Variants in EVL observed in about 807,000 individuals in gnomAD.
The protein encoded by EVL is ena/VASP-like protein.
In EVL, 21 loss-of-function variants were observed where a neutral mutation model predicts 59.6. The observed-to-expected ratio is 0.35, with a 90% CI of 0.25 to 0.51. The LOEUF is 0.51. Ranked by LOEUF, EVL falls within the 20% of genes least tolerant of loss-of-function variation. The pLI is 0.97. For synonymous variants in EVL, 198 were observed against 203.5 expected (o/e 0.97, Z 0.23); for missense variants, 462 against 546.6 (o/e 0.85, Z 1.54).
upstream of EVL, chr14:100,065,181 A>C (rs2061904854): frequency 5.6e-6 from 1 of 178,108 alleles, no homozygotes. Flanking sequence ...CCACCCTTGC[A>C]CCCTTGCAGG....
At chr14:100,062,085 C>T (rs991567738), upstream of EVL, among the ~76,000 whole-genome samples, 2 of 151,628 alleles carry the variant, frequency 1.3e-5, no homozygotes, top group African/African-American at 4.9e-5. Context: ...CTGCAGTGAG[C>T]TGTAATCATA....
Position 100,108,274 on chromosome 14 carries a change from C to T in EVL, c.358+10616C>T, listed in dbSNP as rs550528334. 1.6e-4 allele frequency among the ~76,000 whole-genome samples: 24 copies of T among 152,276 alleles called. 1 individual carries two copies. The South Asian group carries it at 4.4e-3, about 28-fold the overall frequency. ...TGGAAGGTTGTTAAACCTCATAGCT[C>T]TTGGAGGTGGGGCTGAATTTTGCTT... On this transcript the variant is annotated intron_variant, in intron 3 of 13. Coordinates refer to ENST00000392920, the MANE Select transcript of EVL (RefSeq NM_016337.3). This position sits in a 1 kb window ranked among gnomAD's most constrained non-coding sequence, Gnocchi z 4.1.
chr14:100,081,393 A>C (rs541400426), intron 1 of EVL, among the ~76,000 whole-genome samples: 3 of 152,198 alleles, frequency 2.0e-5, no homozygotes, highest in East Asian at 3.9e-4. Context: ...ATTTTCTTGC[A>C]TTTAGGTTTT....
At chr14:100,141,632 G>A in intron 12 of EVL, 104 bp from the exon 13 acceptor site, 1 of 1,052,754 alleles carries the variant, frequency 9.5e-7, no homozygotes, top group South Asian at 1.6e-5. Context: ...ATGCAACTCT[G>A]GAGAGGCCCA....
chr14:99,998,897 T>C (rs1038345743), intron 1 of EVL, among the ~76,000 whole-genome samples: 7 of 152,126 alleles, frequency 4.6e-5, no homozygotes, highest in African/African-American at 1.7e-4. Context: ...CCAGTAATGG[T>C]CTCTGAATCT....
chr14:100,065,283 A>C, upstream of EVL: 1 of 307,900 alleles, frequency 3.2e-6, no homozygotes, highest in Non-Finnish European at 5.7e-6. Flanking sequence ...CTGCAGTGTT[A>C]GCTTCTTGTT....
chr14:99,995,609 A>C (rs1234890091), intron 1 of EVL, among the ~76,000 whole-genome samples: 1 of 151,892 alleles, frequency 6.6e-6, no homozygotes, highest in Non-Finnish European at 1.5e-5. Context: ...TAGTTTCTGG[A>C]GATTTAACTT....
chr14:100,121,114 G>A (rs946042506), intron 3 of EVL, among the ~76,000 whole-genome samples: 1 of 152,186 alleles, frequency 6.6e-6, no homozygotes, highest in Non-Finnish European at 1.5e-5. Flanking sequence ...CCTGCATCAC[G>A]CAGGGAAGTC....
chr14:100,006,737 A>G (rs1326847225), intron 1 of EVL, among the ~76,000 whole-genome samples: 2 of 151,944 alleles, frequency 1.3e-5, no homozygotes, highest in African/African-American at 4.8e-5. Flanking sequence ...CTCAAACTCC[A>G]TAAAGGAGTT....
At chr14:100,028,115 G>GTT (rs2061245493) in intron 1 of EVL, among the ~76,000 whole-genome samples, 1 of 129,982 alleles carries the variant, frequency 7.7e-6, no homozygotes, top group South Asian at 2.3e-4. Context: ...TCTACTTTTA[G>GTT]TTGTTTTTTT....
At chr14:100,000,925 T>C (rs1189191224) in intron 1 of EVL, among the ~76,000 whole-genome samples, 1 of 152,210 alleles carries the variant, frequency 6.6e-6, no homozygotes, top group Non-Finnish European at 1.5e-5. Context: ...CTCTCATGGC[T>C]AGGATGGTTT....
At chr14:100,126,602 C>T (rs1595229943) in intron 4 of EVL, 105 bp from the exon 5 acceptor site, 12 of 1,278,684 alleles carry the variant, frequency 9.4e-6, no homozygotes, top group South Asian at 5.1e-5. Context: ...GGAGCGCTGG[C>T]GAAACCTGAC....
At chr14:99,980,050 G>C (rs1175080447) in intron 1 of EVL, among the ~76,000 whole-genome samples, 1 of 152,172 alleles carries the variant, frequency 6.6e-6, no homozygotes, top group Admixed American at 6.5e-5. Flanking sequence ...TATATGGGAA[G>C]ATATACCTGG....
intron 1 of EVL, among the ~76,000 whole-genome samples, chr14:100,071,255 G>C (rs1379864579): frequency 6.6e-6 from 1 of 152,192 alleles, no homozygotes; most frequent in African/African-American, 2.4e-5. Context: ...CAAAAATGGG[G>C]CTCAGTCACC....
At chr14:100,002,122 A>G (rs1428180106) in intron 1 of EVL, among the ~76,000 whole-genome samples, 4 of 152,216 alleles carry the variant, frequency 2.6e-5, no homozygotes, top group Non-Finnish European at 4.4e-5. Context: ...CAAAAAGTCA[A>G]AAAGATAACT....
rs760045576 is a variant in EVL, at chr14:100,130,947, C to T, written c.839+1263C>T. Among the ~76,000 whole-genome samples the T allele has an allele frequency of 1.1e-3, 170 of 152,168 alleles. 1 individual carries two copies. Among genetic ancestry groups the T allele is most frequent in the Non-Finnish European group, 6.0e-4 (41 of 68,040 alleles). On this transcript the variant is annotated intron_variant, in intron 7 of 13. Transcript: ENST00000392920. This position sits in a 1 kb window ranked among gnomAD's most constrained non-coding sequence, Gnocchi z 4.8. ...GGGGCTTACAGTGGCCACACAAAGG[C>T]GAATGGCTCCGTGGGTGAGAGAGCC...
At chr14:100,011,879 A>G (rs778418129) in intron 1 of EVL, among the ~76,000 whole-genome samples, 1 of 152,216 alleles carries the variant, frequency 6.6e-6, no homozygotes, top group Non-Finnish European at 1.5e-5. Flanking sequence ...GTTGACTTGT[A>G]TAGCACTTAA....
intron 1 of EVL, 151 bp from the exon 2 acceptor site, chr14:100,084,536 C>T (rs1446864410): frequency 1.3e-6 from 1 of 769,068 alleles, no homozygotes; most frequent in East Asian, 2.7e-5. Flanking sequence ...CTCATCACCT[C>T]ACCAGGCAGT....
intron 1 of EVL, among the ~76,000 whole-genome samples, chr14:100,020,541 AT>A (rs2061105553): frequency 6.6e-6 from 1 of 152,138 alleles, no homozygotes; most frequent in South Asian, 2.1e-4. Context: ...ATTTTTGTGC[AT>A]TTTAGAACTG....
Sources: gnomAD v4.1 joint callset for allele counts (sites outside exome capture counted in the v4.1 genomes callset) on GRCh38, gnomAD v4.1.1 for gene constraint, Gnocchi (gnomAD v3.1) non-coding constraint, MANE v1.5 for transcripts, NCBI Gene and HGNC (gene_info 2026-07-23, HGNC 2026-07-21) for gene names.